CSMD3: variants seen among roughly 807,000 people sequenced by gnomAD.
CSMD3 encodes CUB and Sushi multiple domains 3.
In CSMD3, 177 loss-of-function variants were observed where a neutral mutation model predicts 435.2. The ratio of observed to expected loss-of-function variants is 0.41; its 90% confidence interval spans 0.36 to 0.46. The LOEUF (loss-of-function observed/expected upper bound fraction) is 0.46. Ranked by LOEUF, CSMD3 falls within the 20% of genes least tolerant of loss-of-function variation. The probability of loss-of-function intolerance (pLI) is 0.34; values close to 1 mark genes in which losing one functional copy is unlikely to be tolerated. For synonymous variants in CSMD3, 1,656 were observed against 1,520.5 expected, an observed-to-expected ratio of 1.09 and a Z score of -2.07; for missense variants, 4,265 against 4,504.6, an observed-to-expected ratio of 0.95 and a Z score of 1.52.
intron 7 of CSMD3, among the ~76,000 whole-genome samples, chr8:112,959,231 A>G (rs1438446080): frequency 6.6e-6 from 1 of 152,062 alleles, no homozygotes; most frequent in Non-Finnish European, 1.5e-5. Flanking sequence ...TCATGTTTGC[A>G]TGGGGCTCTC....
intron 61 of CSMD3, among the ~76,000 whole-genome samples, chr8:112,261,239 T>C (rs192117311): frequency 3.9e-5 from 6 of 152,248 alleles, no homozygotes; most frequent in African/African-American, 1.4e-4. Flanking sequence ...ATCATAATTC[T>C]ATGTCTATAA....
At chr8:113,326,569 T>G (rs2093985320) in intron 1 of CSMD3, among the ~76,000 whole-genome samples, 1 of 152,178 alleles carries the variant, frequency 6.6e-6, no homozygotes, top group Admixed American at 6.5e-5. Flanking sequence ...GTGAAGTACA[T>G]ATTAGTACGC....
At chr8:112,367,228 A>G (rs1234066176) in intron 38 of CSMD3, among the ~76,000 whole-genome samples, 2 of 152,148 alleles carry the variant, frequency 1.3e-5, no homozygotes, top group Non-Finnish European at 2.9e-5. Context: ...CACCGTCCAT[A>G]CAAGTTTTAC....
At chr8:112,920,371 A>G (rs1241338251) in intron 10 of CSMD3, among the ~76,000 whole-genome samples, 1 of 151,968 alleles carries the variant, frequency 6.6e-6, no homozygotes, top group African/African-American at 2.4e-5. Context: ...AGAAACAGTC[A>G]GAAGGTGAAG....
chr8:112,963,098 A>T (rs1191589897), intron 7 of CSMD3, among the ~76,000 whole-genome samples: 1 of 151,936 alleles, frequency 6.6e-6, no homozygotes, highest in Non-Finnish European at 1.5e-5. Flanking sequence ...GTAAGACCAG[A>T]ATTTTTATTC....
chr8:112,699,698 T>C (rs2076345035), intron 13 of CSMD3, among the ~76,000 whole-genome samples: 1 of 152,208 alleles, frequency 6.6e-6, no homozygotes, highest in Non-Finnish European at 1.5e-5. Flanking sequence ...CCTGGTGTGA[T>C]GTCCTGAGAG....
chr8:112,776,071 G>A (rs1287640090), intron 13 of CSMD3, among the ~76,000 whole-genome samples: 1 of 151,704 alleles, frequency 6.6e-6, no homozygotes, highest in Non-Finnish European at 1.5e-5. Flanking sequence ...GCCACATAAG[G>A]AGAAAATAGA....
intron 13 of CSMD3, among the ~76,000 whole-genome samples, chr8:112,768,501 T>C (rs906453069): frequency 6.6e-6 from 1 of 151,920 alleles, no homozygotes; most frequent in African/African-American, 2.4e-5. Flanking sequence ...AAATCAATGA[T>C]GTCCTTAAAC....
At chr8:113,418,088 C>T (rs1350867814) in intron 1 of CSMD3, among the ~76,000 whole-genome samples, 1 of 152,018 alleles carries the variant, frequency 6.6e-6, no homozygotes, top group Non-Finnish European at 1.5e-5. Flanking sequence ...TAAGATTCAA[C>T]GGAGATATAG....
intron 10 of CSMD3, among the ~76,000 whole-genome samples, chr8:112,860,320 A>C (rs2080790766): frequency 6.6e-6 from 1 of 151,778 alleles, no homozygotes; most frequent in African/African-American, 2.4e-5. Context: ...TCTTGTGTTG[A>C]TTTAATAGTT....
chr8:112,389,264 A>G (rs1830211574), intron 36 of CSMD3, among the ~76,000 whole-genome samples: 1 of 152,200 alleles, frequency 6.6e-6, no homozygotes, highest in Admixed American at 6.5e-5. Flanking sequence ...GATTTAATAT[A>G]TAGATGCTCT....
At chr8:112,447,083 A>T (rs1045289122) in intron 32 of CSMD3, among the ~76,000 whole-genome samples, 6 of 152,182 alleles carry the variant, frequency 3.9e-5, no homozygotes, top group African/African-American at 1.4e-4. Context: ...TTTTAAAAAT[A>T]AAATATAGTA....
intron 1 of CSMD3, among the ~76,000 whole-genome samples, chr8:113,318,020 G>A (rs546200078): frequency 6.6e-6 from 1 of 152,156 alleles, no homozygotes; most frequent in Admixed American, 6.5e-5. Flanking sequence ...GGTCTAATGA[G>A]CAACTGTGTA....
At chr8:112,382,644 T>C (rs1829580198) in intron 37 of CSMD3, among the ~76,000 whole-genome samples, 1 of 152,220 alleles carries the variant, frequency 6.6e-6, no homozygotes, top group South Asian at 2.1e-4. Flanking sequence ...TTATTTTAAC[T>C]TCTATATGTC....
chr8:112,267,934 C>CA lies in CSMD3; in HGVS notation c.9509-2345dup, dbSNP rs956754402. Reference sequence around the variant, plus strand: ...CTACCAGCTTGTTTTCAGAGACAACCAAAAAAAAAAAGGCTTTTGGTTTTT... The same window carrying CA: ...CTACCAGCTTGTTTTCAGAGACAACCAAAAAAAAAAAAGGCTTTTGGTTTTT... On this transcript the variant is annotated intron_variant, in intron 59 of 70. Transcript: ENST00000297405. Among the ~76,000 whole-genome samples the CA allele has an allele frequency of 1.1e-3, 146 of 135,932 alleles. No homozygotes were observed. The East Asian group carries it at 0.013, about 12-fold the overall frequency. 89.2% of individuals were successfully genotyped at this position (135,932 alleles called of 152,430 possible). A position where few individuals can be genotyped will look rare whatever the true frequency, so the allele number is the denominator to read the frequency against.
intron 42 of CSMD3, among the ~76,000 whole-genome samples, chr8:112,338,404 AT>A (rs1403164707): frequency 1.2e-4 from 19 of 152,176 alleles, no homozygotes; most frequent in Admixed American, 6.5e-4. Flanking sequence ...AGCCTTGGCT[AT>A]TGCCTTTCAC....
intron 27 of CSMD3, among the ~76,000 whole-genome samples, chr8:112,525,925 T>C (rs1037929872): frequency 7.0e-6 from 1 of 143,610 alleles, no homozygotes; most frequent in East Asian, 2.0e-4. Flanking sequence ...TTTATATATA[T>C]AAATATATAT....
rs569865194 is a variant in CSMD3 at position 112,334,062 on chromosome 8, T to A, written c.7165+1267A>T. Among the ~76,000 whole-genome samples, 85 of 151,958 alleles carry A rather than the reference T, an allele frequency of 5.6e-4. 1 individual carries two copies. The highest frequency in any genetic ancestry group is 1.4e-3 in the African/African-American group (60 of 41,448). ...AGGAAAGGCAAATAAATTATTTTTT[T>A]AAAAAAAACAGCCGGAATAAAAGTT... On this transcript the variant is annotated intron_variant, in intron 45 of 70. Transcript: ENST00000297405.
chr8:113,157,700 CA>C (rs1390682683), intron 4 of CSMD3, among the ~76,000 whole-genome samples: 2 of 152,164 alleles, frequency 1.3e-5, no homozygotes, highest in East Asian at 3.9e-4. Context: ...AATAGCTGCT[CA>C]AAATGCAGAG....
Sources: gnomAD v4.1 joint callset for allele counts (sites outside exome capture counted in the v4.1 genomes callset) on GRCh38, gnomAD v4.1.1 for gene constraint, MANE v1.5 for transcripts, NCBI Gene and HGNC (gene_info 2026-07-23, HGNC 2026-07-21) for gene names.